The following FBXL13 variants were observed in gnomAD, a reference collection of about 807,000 sequenced individuals.
FBXL13 encodes the protein F-box and leucine rich repeat protein 13.
A neutral mutation model predicts 83.6 loss-of-function variants in FBXL13; 67 were observed. The ratio of observed to expected loss-of-function variants is 0.80; its 90% CI spans 0.66 to 0.98. The LOEUF is 0.98. Ranked by LOEUF, FBXL13 falls within the 50% of genes least tolerant of loss-of-function variation. The pLI, the probability that FBXL13 is intolerant of heterozygous loss-of-function variation, is 0.00. For missense variants in FBXL13, 822 were observed against 866.5 expected, an observed-to-expected ratio of 0.95 and a Z score of 0.64; for synonymous variants, 272 against 299.5, an observed-to-expected ratio of 0.91 and a Z score of 0.95.
At position 102,963,335 on chromosome 7, in the gene FBXL13, A is replaced by G. The variant is rs187176403; in HGVS notation, c.724+198T>C. Among the ~76,000 whole-genome samples, 555 of 152,002 alleles carry G rather than the reference A, an allele frequency of 3.7e-3. 5 individuals carry two copies. The highest frequency in any genetic ancestry group is 0.013 in the African/African-American group (548 of 41,482). ...GACTCCATCTCAAAAAAAAAAAAGAATAGACAAAGAACCAACTCCCAGGGC... is the reference window on the plus strand; with the variant it reads ...GACTCCATCTCAAAAAAAAAAAAGAGTAGACAAAGAACCAACTCCCAGGGC... On this transcript the variant is annotated intron_variant, in intron 8 of 19. Transcript: ENST00000313221.
At chr7:102,965,548 G>C (rs1825884463) in intron 7 of FBXL13, among the ~76,000 whole-genome samples, 1 of 152,084 alleles carries the variant, frequency 6.6e-6, no homozygotes, top group African/African-American at 2.4e-5. Context: ...CAACACATAA[G>C]TCATATTTGA....
At chr7:102,935,685 G>A (rs1820176511) in intron 8 of FBXL13, among the ~76,000 whole-genome samples, 1 of 152,134 alleles carries the variant, frequency 6.6e-6, no homozygotes, top group Non-Finnish European at 1.5e-5. Flanking sequence ...TGTTCTCAAA[G>A]AGTGGTCTGG....
chr7:102,865,127 A>G (rs896682296), intron 16 of FBXL13, among the ~76,000 whole-genome samples: 2 of 152,254 alleles, frequency 1.3e-5, no homozygotes, highest in African/African-American at 2.4e-5. Flanking sequence ...TTGTTGAGTG[A>G]ATCAGTCTAC....
chr7:102,956,292 A>T (rs892726997), intron 8 of FBXL13, among the ~76,000 whole-genome samples: 7 of 152,174 alleles, frequency 4.6e-5, no homozygotes, highest in Non-Finnish European at 7.4e-5. Flanking sequence ...CCACACAATT[A>T]TCTCAACAGA....
At chr7:103,029,444 A>T in intron 2 of FBXL13, 26 bp from the exon 4 acceptor site, 8 of 1,282,016 alleles carry the variant, frequency 6.2e-6, no homozygotes, top group Non-Finnish European at 7.5e-6. Flanking sequence ...AATTGAAATA[A>T]CAAATATTAG....
chr7:102,876,038 A>G (rs1809200254), intron 16 of FBXL13, among the ~76,000 whole-genome samples: 1 of 152,204 alleles, frequency 6.6e-6, no homozygotes, highest in Non-Finnish European at 1.5e-5. Flanking sequence ...CCTGTAGCAG[A>G]GCAAGGGGAG....
chr7:102,847,589 T>C (rs7804322), intron 17 of FBXL13, among the ~76,000 whole-genome samples: 33,814 of 151,640 alleles, frequency 0.22, 4,335 homozygotes, highest in East Asian at 0.59. Flanking sequence ...TGCAGTGGTG[T>C]GATCTCGGCT....
At chr7:102,960,984 G>A (rs113913849) in intron 8 of FBXL13, among the ~76,000 whole-genome samples, 5,299 of 150,986 alleles carry the variant, frequency 0.035, 283 homozygotes, top group African/African-American at 0.12. Context: ...GTTCTGGCCA[G>A]GGCAATTAGG....
At chr7:103,039,160 A>C (rs751024072) in intron 2 of FBXL13, among the ~76,000 whole-genome samples, 8 of 152,240 alleles carry the variant, frequency 5.3e-5, no homozygotes, top group Non-Finnish European at 1.2e-4. Context: ...ATGGCATGAG[A>C]ACTTCATGAT....
intron 10 of FBXL13, among the ~76,000 whole-genome samples, chr7:102,922,199 A>C (rs1451395713): frequency 6.6e-6 from 1 of 151,744 alleles, no homozygotes; most frequent in Admixed American, 6.6e-5. Flanking sequence ...CAAAAAAAAA[A>C]AAAAATTAAA....
intron 2 of FBXL13, among the ~76,000 whole-genome samples, chr7:103,049,020 C>G (rs891068810): frequency 2.6e-5 from 4 of 152,140 alleles, no homozygotes; most frequent in Admixed American, 2.6e-4. Flanking sequence ...TTTTATGAAT[C>G]CTTTCACGAC....
intron 14 of FBXL13, 133 bp from the exon 16 acceptor site, chr7:102,878,583 A>G (rs1809576685): frequency 2.0e-6 from 1 of 489,268 alleles, no homozygotes. Flanking sequence ...TATTTTGTCA[A>G]TATTTTAAAA....
chr7:103,002,604 T>C (rs978480309), intron 6 of FBXL13, among the ~76,000 whole-genome samples: 1 of 152,236 alleles, frequency 6.6e-6, no homozygotes, highest in African/African-American at 2.4e-5. Context: ...TTGGTGTTGA[T>C]GAATTCTTTA....
At chr7:102,908,668 C>T (rs1360234290) in intron 11 of FBXL13, among the ~76,000 whole-genome samples, 3 of 152,354 alleles carry the variant, frequency 2.0e-5, no homozygotes, top group Non-Finnish European at 2.9e-5. Context: ...CAAGGTACCA[C>T]CCTGTTGGTC....
chr7:103,025,901 T>C (rs930289997), intron 5 of FBXL13, among the ~76,000 whole-genome samples: 6 of 151,762 alleles, frequency 4.0e-5, no homozygotes, highest in African/African-American at 1.5e-4. Context: ...CCATCCTCAC[T>C]CCATTTAAGT....
At chr7:102,899,192 C>T (rs1424049876) in intron 11 of FBXL13, among the ~76,000 whole-genome samples, 1 of 152,168 alleles carries the variant, frequency 6.6e-6, no homozygotes, top group East Asian at 1.9e-4. Context: ...GAATTATAGG[C>T]GTGAGCCACC....
chr7:102,928,045 G>A (rs1348381441), intron 9 of FBXL13, among the ~76,000 whole-genome samples: 1 of 152,232 alleles, frequency 6.6e-6, no homozygotes, highest in East Asian at 1.9e-4. Flanking sequence ...GGAAGAGGAA[G>A]GTGGAGTAGC....
At chr7:103,054,601 G>A (rs918018868) in intron 2 of FBXL13, among the ~76,000 whole-genome samples, 2 of 152,106 alleles carry the variant, frequency 1.3e-5, no homozygotes, top group African/African-American at 4.8e-5. Context: ...GTAACAATGA[G>A]ATCTGTCTTT....
intron 17 of FBXL13, among the ~76,000 whole-genome samples, chr7:102,842,824 T>G (rs1803198140): frequency 6.6e-6 from 1 of 152,210 alleles, no homozygotes; most frequent in Non-Finnish European, 1.5e-5. Context: ...AGTACAAGAC[T>G]CAGAACTCTG....
Sources: gnomAD v4.1 joint callset for allele counts (sites outside exome capture counted in the v4.1 genomes callset) on GRCh38, gnomAD v4.1.1 for gene constraint, MANE v1.5 for transcripts, NCBI Gene and HGNC (gene_info 2026-07-23, HGNC 2026-07-21) for gene names.